Variants in ADGRL2 observed in about 807,000 individuals in gnomAD.
ADGRL2 encodes adhesion G protein-coupled receptor L2.
A neutral mutation model predicts 157.4 loss-of-function variants in ADGRL2; 44 were observed. That is an observed-to-expected ratio of 0.28 (90% confidence interval 0.22 to 0.36). ADGRL2 has a LOEUF of 0.36. Ranked by LOEUF, ADGRL2 falls within the 10% of genes least tolerant of loss-of-function variation. The pLI, the probability that ADGRL2 is intolerant of heterozygous loss-of-function variation, is 1.00. For synonymous variants in ADGRL2, 585 were observed against 624.7 expected, an observed-to-expected ratio of 0.94 and a Z score of 0.95; for missense variants, 1,510 against 1,768.9, an observed-to-expected ratio of 0.85 and a Z score of 2.63.
At chr1:81,801,340 G>C (rs2088074614) in intron 1 of ADGRL2, among the ~76,000 whole-genome samples, 1 of 152,180 alleles carries the variant, frequency 6.6e-6, no homozygotes, top group South Asian at 2.1e-4. Flanking sequence ...GGGGGAAGGA[G>C]GAGGAGGAGG....
At chr1:81,667,180 C>T (rs2082767922) in intron 3 of ADGRL2, among the ~76,000 whole-genome samples, 2 of 152,184 alleles carry the variant, frequency 1.3e-5, no homozygotes, top group Admixed American at 1.3e-4. Context: ...CCTACACTGG[C>T]AAATCACAGA....
chr1:81,690,939 T>G (rs575241025), intron 3 of ADGRL2, among the ~76,000 whole-genome samples: 1 of 152,324 alleles, frequency 6.6e-6, no homozygotes, highest in South Asian at 2.1e-4. Context: ...AATAAAGTCT[T>G]TACAGAAGCA....
At chr1:81,768,821 C>T (rs1191269183) in intron 2 of ADGRL2, among the ~76,000 whole-genome samples, 2 of 152,138 alleles carry the variant, frequency 1.3e-5, no homozygotes, top group Non-Finnish European at 2.9e-5. Flanking sequence ...TAGCTCATGC[C>T]TGTAATCCCA....
chr1:81,645,517 TC>T, intron 3 of ADGRL2, among the ~76,000 whole-genome samples: 1 of 151,960 alleles, frequency 6.6e-6, no homozygotes. Flanking sequence ...GTAGAGGCCA[TC>T]ATCATTATCC....
At chr1:81,742,605 C>T (rs1013174436) in intron 1 of ADGRL2, among the ~76,000 whole-genome samples, 1 of 151,930 alleles carries the variant, frequency 6.6e-6, no homozygotes, top group Admixed American at 6.6e-5. Context: ...AACGAAAGAA[C>T]TGAAACAAAA....
At chr1:81,471,887 T>A (rs560574953) in intron 2 of ADGRL2, among the ~76,000 whole-genome samples, 4 of 152,334 alleles carry the variant, frequency 2.6e-5, no homozygotes, top group East Asian at 1.9e-4. Context: ...AATCATTTTC[T>A]TCAGTATATT....
intron 1 of ADGRL2, among the ~76,000 whole-genome samples, chr1:81,369,129 G>A (rs2076118160): frequency 6.6e-6 from 1 of 152,056 alleles, no homozygotes; most frequent in Admixed American, 6.6e-5. Flanking sequence ...ATGCATGTGG[G>A]TGTGGGAGGG....
intron 3 of ADGRL2, among the ~76,000 whole-genome samples, chr1:81,670,678 T>G (rs1054472471): frequency 2.0e-5 from 3 of 152,172 alleles, no homozygotes; most frequent in Non-Finnish European, 4.4e-5. Context: ...TTTCCAAACA[T>G]TCGAAAAGAC....
chr1:81,469,788 T>G (rs2078132629), intron 2 of ADGRL2, among the ~76,000 whole-genome samples: 1 of 152,114 alleles, frequency 6.6e-6, no homozygotes, highest in Non-Finnish European at 1.5e-5. Flanking sequence ...CCTGACAAAA[T>G]GCTACTGTCA....
At chr1:81,956,119 G>C (rs1205400339) in intron 11 of ADGRL2, 59 bp downstream of exon 11, 2 of 1,272,636 alleles carry the variant, frequency 1.6e-6, no homozygotes, top group Admixed American at 4.9e-5. Context: ...GTAAGAGGAT[G>C]ATGTTTCCAT....
At chr1:81,820,189 A>C (rs964553505) in intron 1 of ADGRL2, among the ~76,000 whole-genome samples, 3 of 152,198 alleles carry the variant, frequency 2.0e-5, no homozygotes, top group African/African-American at 7.2e-5. Context: ...ATTAACTCAG[A>C]GTAGGCTCTC....
intron 2 of ADGRL2, among the ~76,000 whole-genome samples, chr1:81,891,936 G>A (rs1362013397): frequency 6.6e-6 from 1 of 150,748 alleles, no homozygotes; most frequent in Non-Finnish European, 1.5e-5. Context: ...GTCCTTTGCA[G>A]AACATAATAA....
At chr1:81,769,044 C>T (rs573957426) in intron 2 of ADGRL2, among the ~76,000 whole-genome samples, 49 of 152,146 alleles carry the variant, frequency 3.2e-4, no homozygotes, top group Middle Eastern at 3.4e-3. Flanking sequence ...GATCGCGGCA[C>T]TGCACTGCAG....
At chr1:81,630,629 A>T (rs1167879765) in intron 3 of ADGRL2, among the ~76,000 whole-genome samples, 1 of 152,240 alleles carries the variant, frequency 6.6e-6, no homozygotes, top group Non-Finnish European at 1.5e-5. Context: ...CAATGAAACC[A>T]GCACATGCAT....
chr1:81,382,411 T>C (rs1035962529), intron 1 of ADGRL2, among the ~76,000 whole-genome samples: 2 of 152,150 alleles, frequency 1.3e-5, no homozygotes, highest in Non-Finnish European at 2.9e-5. Flanking sequence ...TAACACACAA[T>C]AGGGGTAGCT....
chr1:81,426,878 T>C, intron 1 of ADGRL2: 1 of 637,620 alleles, frequency 1.6e-6, no homozygotes, highest in Non-Finnish European at 2.9e-6. Flanking sequence ...GAATATAATT[T>C]GAGACTACTT....
chr1:81,710,176 A>ATC (rs1391228380), intron 1 of ADGRL2, among the ~76,000 whole-genome samples: 2 of 152,322 alleles, frequency 1.3e-5, no homozygotes, highest in Admixed American at 6.5e-5. Flanking sequence ...TCACTTACTC[A>ATC]TCACTCATCC....
intron 11 of ADGRL2, among the ~76,000 whole-genome samples, chr1:81,964,171 A>T (rs72944992): frequency 0.049 from 7,478 of 152,106 alleles, 518 homozygotes; most frequent in African/African-American, 0.15. Flanking sequence ...AAACTCTAAT[A>T]AGTAAATTTC....
intron 1 of ADGRL2, among the ~76,000 whole-genome samples, chr1:81,340,702 T>A (rs987444893): frequency 6.6e-6 from 1 of 152,146 alleles, no homozygotes; most frequent in Non-Finnish European, 1.5e-5. Flanking sequence ...GCACACCAGA[T>A]AAGAAAGTGG....
Sources: gnomAD v4.1 joint callset for allele counts (sites outside exome capture counted in the v4.1 genomes callset) on GRCh38, gnomAD v4.1.1 for gene constraint, MANE v1.5 for transcripts, NCBI Gene and HGNC (gene_info 2026-07-23, HGNC 2026-07-21) for gene names.